Variants in KIF11 observed in about 807,000 individuals in gnomAD.
The protein encoded by KIF11 is kinesin-like protein KIF11.
In KIF11, 9 loss-of-function variants were observed where a neutral mutation model predicts 121.0. The ratio of observed to expected loss-of-function variants is 0.07; its 90% CI spans 0.04 to 0.13. KIF11 has a LOEUF of 0.13. Among genes scored for constraint, KIF11 ranks in the 10% least tolerant of loss-of-function variants. The probability of loss-of-function intolerance (pLI) is 1.00; values close to 1 mark genes in which losing one functional copy is unlikely to be tolerated. For missense variants in KIF11, 846 were observed against 1,217.5 expected (o/e 0.69, Z 4.54); for synonymous variants, 408 against 421.0 (o/e 0.97, Z 0.38).
Position 92,616,850 on chromosome 10 carries a change from T to G in KIF11, c.1128+18T>G. On this transcript the variant is annotated intron_variant, in intron 9 of 21. Coordinates refer to ENST00000260731, the MANE Select transcript of KIF11 (RefSeq NM_004523.4). The stretch of plus-strand genomic sequence containing the variant: ...TTATTAAGGTAACTGTGAATTTTTG[T>G]AGAGTAATGTAATCTTGTTTGACAA... 7.8e-7 allele frequency: 1 copy of G among 1,281,064 alleles called. No homozygotes were observed. The highest frequency in any genetic ancestry group is 1.1e-6 in the Non-Finnish European group (1 of 897,550). 79.4% of individuals were successfully genotyped at this position (1,281,064 alleles called of 1,614,324 possible).
chr10:92,631,481 C>T (rs1844738226), intron 12 of KIF11, among the ~76,000 whole-genome samples: 1 of 150,140 alleles, frequency 6.7e-6, no homozygotes, highest in Admixed American at 6.6e-5. Context: ...CCTGCCTCAG[C>T]CTCCCGAGTA....
At chr10:92,623,874 T>C (rs909072285) in intron 10 of KIF11, among the ~76,000 whole-genome samples, 13 of 152,160 alleles carry the variant, frequency 8.5e-5, no homozygotes, top group African/African-American at 3.1e-4. Flanking sequence ...ATTGAAAATA[T>C]GGTGTTTGCT....
At chr10:92,632,362 T>C (rs1844747692) in intron 12 of KIF11, 124 bp from the exon 13 acceptor site, 2 of 656,988 alleles carry the variant, frequency 3.0e-6, no homozygotes, top group Non-Finnish European at 5.3e-6. Flanking sequence ...GAGACGGGGT[T>C]TCACCATGTT....
At chr10:92,644,947 T>C (rs1471264838) in intron 17 of KIF11, among the ~76,000 whole-genome samples, 2 of 152,240 alleles carry the variant, frequency 1.3e-5, no homozygotes, top group Non-Finnish European at 2.9e-5. Flanking sequence ...ACATTTGTAA[T>C]GTTCATGATT....
intron 21 of KIF11, among the ~76,000 whole-genome samples, chr10:92,651,619 G>C (rs1231839523): frequency 2.1e-5 from 3 of 139,672 alleles, no homozygotes; most frequent in African/African-American, 7.8e-5. Context: ...TGCCTGCCTC[G>C]GCCTCCCGTA....
At position 92,593,310 on chromosome 10, in the gene KIF11, A is replaced by G; in HGVS notation, c.-66A>G. 1.3e-6 allele frequency: 2 copies of G among 1,521,424 alleles called. No individual in the cohort carries two copies. The highest frequency in any genetic ancestry group is 2.4e-5 in the East Asian group (1 of 41,764). 94.2% of individuals were successfully genotyped at this position (1,521,424 alleles called of 1,614,324 possible). A position where few individuals can be genotyped will look rare whatever the true frequency, so the allele number is the denominator to read the frequency against. On this transcript the variant is annotated 5_prime_UTR_variant, in exon 1 of 22. Transcript: ENST00000260731. ...GAGACTCCGGCCCCTGTCGGCCGCC[A>G]AGCCCCTCCGCCCCTCACAGCGCCC...
intron 1 of KIF11, among the ~76,000 whole-genome samples, chr10:92,601,980 G>A (rs1215395670): frequency 6.6e-6 from 1 of 152,062 alleles, no homozygotes; most frequent in Admixed American, 6.6e-5. Flanking sequence ...TGACTAATGG[G>A]TTTTGAATTT....
intron 10 of KIF11, among the ~76,000 whole-genome samples, chr10:92,625,350 CTT>C (rs1209951689): frequency 1.4e-4 from 20 of 139,138 alleles, no homozygotes; most frequent in Admixed American, 2.9e-4. Flanking sequence ...CATTTGCCCA[CTT>C]TTTTTTTTTT....
intron 12 of KIF11, among the ~76,000 whole-genome samples, chr10:92,630,825 C>T (rs1844729249): frequency 6.9e-6 from 1 of 145,666 alleles, no homozygotes; most frequent in Non-Finnish European, 1.5e-5. Context: ...CGAAATCACA[C>T]CATTGCACTC....
In KIF11 at chr10:92,650,317, T is replaced by C. The variant is rs996004283; in HGVS notation, c.2923-84T>C. ...TAACTTTTATATTATACCATGGGCA[T>C]TGTGTTATACTCAAAGCTGCTGTTA... On this transcript the variant is annotated intron_variant, in intron 20 of 21. Coordinates refer to ENST00000260731, the MANE Select transcript of KIF11 (RefSeq NM_004523.4). The C allele has an allele frequency of 6.6e-6, 5 of 761,074 alleles. No homozygotes were observed. In the African/African-American group the frequency reaches 8.7e-5, roughly 13 times the overall value. The allele number at this position is 761,074 out of a possible 1,614,324, so 47.1% of individuals were successfully genotyped here.
At chr10:92,647,635 G>A (rs1844934452) in intron 18 of KIF11, among the ~76,000 whole-genome samples, 1 of 152,150 alleles carries the variant, frequency 6.6e-6, no homozygotes. Context: ...AGAGATACAT[G>A]CTGAAGTAAA....
At chr10:92,610,457 A>G (rs1311672822) in intron 6 of KIF11, among the ~76,000 whole-genome samples, 2 of 152,220 alleles carry the variant, frequency 1.3e-5, no homozygotes, top group African/African-American at 4.8e-5. Context: ...CGTAAGTTAG[A>G]AACTCCTTTT....
intron 8 of KIF11, among the ~76,000 whole-genome samples, chr10:92,614,072 T>G (rs1218710215): frequency 8.5e-6 from 1 of 117,538 alleles, no homozygotes; most frequent in African/African-American, 3.6e-5. Context: ...ACACATATAG[T>G]AGGGAAAAAA....
At chr10:92,651,004 C>T (rs931716280) in intron 21 of KIF11, among the ~76,000 whole-genome samples, 1 of 152,000 alleles carries the variant, frequency 6.6e-6, no homozygotes, top group Non-Finnish European at 1.5e-5. Flanking sequence ...CTGCTCTAAT[C>T]CAGTGTAATT....
chr10:92,616,112 C>T (rs773719525), intron 8 of KIF11, among the ~76,000 whole-genome samples: 2 of 152,046 alleles, frequency 1.3e-5, no homozygotes, highest in Non-Finnish European at 2.9e-5. Flanking sequence ...GCTGGGATTA[C>T]AGGTGTGAGC....
chr10:92,632,248 A>G (rs1258702786), intron 12 of KIF11, among the ~76,000 whole-genome samples: 2 of 150,890 alleles, frequency 1.3e-5, no homozygotes, highest in Non-Finnish European at 3.0e-5. Context: ...GCTCACTGCA[A>G]CCTCCACCTC....
chr10:92,646,183 A>G (rs1458021488), intron 18 of KIF11, among the ~76,000 whole-genome samples: 2 of 151,932 alleles, frequency 1.3e-5, no homozygotes, highest in East Asian at 3.9e-4. Context: ...CAAACTCCTG[A>G]CCTCATGATC....
chr10:92,615,871 G>A (rs1400633186), intron 8 of KIF11, among the ~76,000 whole-genome samples: 2 of 143,402 alleles, frequency 1.4e-5, no homozygotes, highest in African/African-American at 2.6e-5. Flanking sequence ...ATGGAGTCTC[G>A]CTCTGTTGCC....
intron 1 of KIF11, among the ~76,000 whole-genome samples, chr10:92,596,645 G>A (rs1268659322): frequency 6.6e-6 from 1 of 151,468 alleles, no homozygotes; most frequent in Non-Finnish European, 1.5e-5. Context: ...CTTTTCATGT[G>A]TTTACTGGCC....
Sources: allele counts gnomAD v4.1 joint callset (sites outside exome capture counted in the v4.1 genomes callset), GRCh38; gene constraint gnomAD v4.1.1; transcripts MANE v1.5; gene names NCBI Gene and HGNC (gene_info 2026-07-23, HGNC 2026-07-21).